The following TRABD2A variants were observed in gnomAD, a reference collection of about 807,000 sequenced individuals.
The protein encoded by TRABD2A is metalloprotease TIKI1.
Under a neutral mutation model 45.6 loss-of-function variants are expected in TRABD2A, and 43 were observed. The observed-to-expected ratio is 0.94, with a 90% CI of 0.74 to 1.22. TRABD2A has a LOEUF of 1.22. TRABD2A is among the 50% of genes most tolerant of loss of function. TRABD2A has a pLI of 0.00. For missense variants in TRABD2A, 642 were observed against 652.4 expected (o/e 0.98, Z 0.17); for synonymous variants, 269 against 265.0 (o/e 1.02, Z -0.15).
chr2:84,827,130 T>C (rs1559083415), intron 5 of TRABD2A, among the ~76,000 whole-genome samples: 1 of 152,230 alleles, frequency 6.6e-6, no homozygotes, highest in African/African-American at 2.4e-5. Flanking sequence ...TACCATGTTT[T>C]GACCCACCTG....
intron 1 of TRABD2A, among the ~76,000 whole-genome samples, chr2:84,873,617 G>A (rs1348240907): frequency 2.6e-5 from 4 of 152,180 alleles, no homozygotes; most frequent in African/African-American, 7.2e-5. Flanking sequence ...GCAATCAAAT[G>A]TCTCACTGTT....
At chr2:84,831,547 A>G (rs1388428500) in intron 5 of TRABD2A, among the ~76,000 whole-genome samples, 2 of 145,824 alleles carry the variant, frequency 1.4e-5, no homozygotes, top group Non-Finnish European at 1.5e-5. Context: ...AAAAAAAAAG[A>G]GAGAGAAATA....
chr2:84,856,038 G>A (rs1001571687), intron 2 of TRABD2A, among the ~76,000 whole-genome samples: 6 of 152,118 alleles, frequency 3.9e-5, no homozygotes, highest in East Asian at 1.9e-4. Context: ...AAAGGGCCTC[G>A]CATCTGTTCA....
chr2:84,844,723 A>G (rs911510995), intron 2 of TRABD2A, among the ~76,000 whole-genome samples: 13 of 152,234 alleles, frequency 8.5e-5, no homozygotes, highest in Non-Finnish European at 1.5e-5. Context: ...GGGAGGGAAG[A>G]GAGAGGGGCA....
chr2:84,825,768 C>A lies in TRABD2A; in HGVS notation c.1083-1564G>T, dbSNP rs539790053. Among the ~76,000 whole-genome samples, 15 of 152,234 alleles carry A rather than the reference C, an allele frequency of 9.9e-5. No homozygotes were observed. The South Asian group carries it at 3.1e-3, about 32-fold the overall frequency. ...CACACAGCAGGATGTGAGTGGCAGG[C>A]AAGCAACCATATTACCACCTGAGCT... is the stretch of plus-strand genomic sequence containing the variant. On this transcript the variant is annotated intron_variant, in intron 5 of 6. Transcript: ENST00000409520.
At position 84,839,303 on chromosome 2, in the gene TRABD2A, G is replaced by A; in HGVS notation, c.837C>T (p.Ala279=). 2.5e-6 allele frequency: 4 copies of A among 1,607,948 alleles called. No homozygotes were observed. The highest frequency in any genetic ancestry group is 3.4e-6 in the Non-Finnish European group (4 of 1,177,424). The change falls in exon 4 of 7, where the codon GCC becomes GCT. Residue 279 remains alanine (A), a synonymous_variant. Coordinates refer to ENST00000409520, the MANE Select transcript of TRABD2A (RefSeq NM_001277053.2). ...DSSQVPNFIN[A]TLPPQERITA... ...TGATGCGCTCCTGAGGTGGTAGCGT[G>A]GCATTAATAAAATTGGGAACCTCCA...
chr2:84,878,507 A>C (rs1475831680), intron 1 of TRABD2A, among the ~76,000 whole-genome samples: 5 of 150,126 alleles, frequency 3.3e-5, no homozygotes, highest in Non-Finnish European at 5.9e-5. Context: ...CCTGGGTGAC[A>C]GATAGAGCAA....
intron 6 of TRABD2A, among the ~76,000 whole-genome samples, chr2:84,822,926 T>TTA (rs1490474440): frequency 6.6e-6 from 1 of 152,196 alleles, no homozygotes; most frequent in Non-Finnish European, 1.5e-5. Flanking sequence ...CAGAATTACT[T>TTA]TATCTCAGCT....
chr2:84,864,449 C>T (rs930372271), intron 2 of TRABD2A, among the ~76,000 whole-genome samples: 7 of 152,200 alleles, frequency 4.6e-5, no homozygotes, highest in Non-Finnish European at 8.8e-5. Flanking sequence ...TGGGTCTCTT[C>T]TTCCGCCTTT....
chr2:84,858,661 G>T (rs1339951034), intron 2 of TRABD2A, among the ~76,000 whole-genome samples: 1 of 152,172 alleles, frequency 6.6e-6, no homozygotes, highest in African/African-American at 2.4e-5. Context: ...GGGCCTCGGG[G>T]CAGCCTTCAT....
chr2:84,878,129 A>G (rs1486495633), intron 1 of TRABD2A, among the ~76,000 whole-genome samples: 2 of 152,212 alleles, frequency 1.3e-5, no homozygotes, highest in Non-Finnish European at 2.9e-5. Flanking sequence ...GTAATCAGGA[A>G]GAAACTCATT....
intron 2 of TRABD2A, among the ~76,000 whole-genome samples, chr2:84,851,428 AAGACCTT>A (rs1315372671): frequency 2.6e-5 from 4 of 152,222 alleles, no homozygotes; most frequent in Non-Finnish European, 4.4e-5. Flanking sequence ...GGCTGAATTT[AAGACCTT>A]AGATGTCAGC....
chr2:84,865,517 A>T (rs966422066), intron 2 of TRABD2A, among the ~76,000 whole-genome samples: 7 of 152,382 alleles, frequency 4.6e-5, no homozygotes, highest in African/African-American at 1.7e-4. Flanking sequence ...TGTGGAAAGC[A>T]GAGGGAAACT....
chr2:84,840,620 C>G (rs768695780), intron 3 of TRABD2A, among the ~76,000 whole-genome samples: 3 of 152,192 alleles, frequency 2.0e-5, no homozygotes, highest in Non-Finnish European at 4.4e-5. Context: ...CATTTGCCCA[C>G]GTAATGACCA....
chr2:84,858,874 T>C (rs1179933070), intron 2 of TRABD2A, among the ~76,000 whole-genome samples: 1 of 152,194 alleles, frequency 6.6e-6, no homozygotes, highest in Admixed American at 6.5e-5. Flanking sequence ...ACACCTGTAA[T>C]CCCCATGCTT....
intron 5 of TRABD2A, among the ~76,000 whole-genome samples, chr2:84,827,201 A>G (rs1315257718): frequency 1.3e-5 from 2 of 152,240 alleles, no homozygotes; most frequent in African/African-American, 4.8e-5. Context: ...CATTTTGGCT[A>G]CAATATAGGG....
chr2:84,860,762 C>G (rs527839619), intron 2 of TRABD2A, among the ~76,000 whole-genome samples: 1 of 152,372 alleles, frequency 6.6e-6, no homozygotes, highest in Admixed American at 6.5e-5. Flanking sequence ...TTTCTCCTCT[C>G]TGCCTTGTAG....
chr2:84,832,849 CAATTGTGCTCTCTGAA>C (rs951620197), intron 4 of TRABD2A: 1 of 151,702 alleles, frequency 6.6e-6, no homozygotes, highest in Admixed American at 6.6e-5. Flanking sequence ...GGATGGAATG[CAATTGTGCTCTCTGAA>C]AAAACAGGGA....
chr2:84,869,933 C>T (rs1015597520), intron 2 of TRABD2A, among the ~76,000 whole-genome samples: 3 of 145,842 alleles, frequency 2.1e-5, no homozygotes, highest in Non-Finnish European at 3.0e-5. Flanking sequence ...GAACTGAGAT[C>T]GCACCACTGC....
Sources: gnomAD v4.1 joint callset for allele counts (sites outside exome capture counted in the v4.1 genomes callset) on GRCh38, gnomAD v4.1.1 for gene constraint, MANE v1.5 for transcripts, NCBI Gene and HGNC (gene_info 2026-07-23, HGNC 2026-07-21) for gene names.